The following SIK3 variants were observed in gnomAD, a reference collection of about 807,000 sequenced individuals.
SIK3 encodes SIK family kinase 3.
Under a neutral mutation model 144.2 loss-of-function variants are expected in SIK3, and 28 were observed. The observed-to-expected ratio is 0.19, with a 90% CI of 0.14 to 0.27. The LOEUF (loss-of-function observed/expected upper bound fraction) is 0.27, where lower values mean the gene tolerates loss of function less well. SIK3 is among the 10% of genes least tolerant of loss of function. The pLI is 1.00. For missense variants in SIK3, 1,319 were observed against 1,776.0 expected (o/e 0.74, Z 4.62); for synonymous variants, 686 against 676.3 (o/e 1.01, Z -0.22).
In SIK3 at chr11:116,896,257, G is replaced by C; in HGVS notation, c.861C>G (p.Ser287=). ...GTGTGCTAGCGACTCCCTTACCTGT[G>C]GACATAAAAAATGGGATGCGGAACT... ...SGKFRIPFFM[S]TECEHLIRHM... Residue 287 remains serine (S), a synonymous_variant, in exon 6 of 25, where the codon TCC becomes TCG. Transcript: ENST00000445177. The C allele has an allele frequency of 2.5e-6, 4 of 1,613,486 alleles. No homozygotes were observed. The highest frequency in any genetic ancestry group is 3.4e-6 in the Non-Finnish European group (4 of 1,179,596).
At chr11:116,885,644 T>A (rs1430765722) in intron 6 of SIK3, among the ~76,000 whole-genome samples, 1 of 152,258 alleles carries the variant, frequency 6.6e-6, no homozygotes, top group African/African-American at 2.4e-5. Context: ...GCTACTCGTT[T>A]TTCAGTAAGT....
At chr11:116,952,965 A>G (rs1291232183) in intron 3 of SIK3, among the ~76,000 whole-genome samples, 1 of 152,206 alleles carries the variant, frequency 6.6e-6, no homozygotes, top group Non-Finnish European at 1.5e-5. Context: ...TTTGACATTA[A>G]CTAATCACAT....
chr11:116,877,359 A>G lies in SIK3; in HGVS notation c.866-317T>C, dbSNP rs1335561539. 5.9e-5 allele frequency among the ~76,000 whole-genome samples: 9 copies of G among 152,240 alleles called. No individual in the cohort carries two copies. The East Asian group carries it at 9.6e-4, about 16-fold the overall frequency. On this transcript the variant is annotated intron_variant, in intron 6 of 24. Transcript: ENST00000445177. ...TTATGTATATGGCCCTATTTAACAC[A>G]AGTAATGAAGAGTAGAATGGCCTCT...
intron 1 of SIK3, among the ~76,000 whole-genome samples, chr11:117,075,840 CTTTTTT>C (rs1037271983): frequency 9.8e-5 from 4 of 40,918 alleles, no homozygotes; most frequent in East Asian, 6.5e-4. Flanking sequence ...CCAAGCCTGG[CTTTTTT>C]TTTTTTTTTT....
intron 4 of SIK3, among the ~76,000 whole-genome samples, chr11:116,922,305 C>A (rs1170464545): frequency 3.3e-5 from 5 of 152,000 alleles, no homozygotes; most frequent in African/African-American, 1.2e-4. Flanking sequence ...GAGTTTGAGA[C>A]CAGGCTGAGG....
rs552432726 is a variant in SIK3, at chr11:116,845,582, A to G, written c.*61T>C. 5.3e-5 allele frequency: 8 copies of G among 152,372 alleles called. No homozygotes were observed. The highest frequency in any genetic ancestry group is 1.9e-4 in the African/African-American group (8 of 41,588). 9.4% of individuals were successfully genotyped at this position (152,372 alleles called of 1,614,324 possible). ...GCAATTTGGCACAACGCTGCTAGAT[A>G]CTGTGGGTTTACAATCAACCTTTTC... is the stretch of plus-strand genomic sequence containing the variant. On this transcript the variant is annotated 3_prime_UTR_variant, in exon 25 of 25. Transcript: ENST00000445177.
chr11:116,974,752 T>G (rs1182543569), intron 1 of SIK3, among the ~76,000 whole-genome samples: 1 of 152,250 alleles, frequency 6.6e-6, no homozygotes, highest in Non-Finnish European at 1.5e-5. Flanking sequence ...CATAGTTTTG[T>G]GAACCTGATA....
chr11:117,026,230 G>A (rs1209282728), intron 1 of SIK3, among the ~76,000 whole-genome samples: 3 of 152,136 alleles, frequency 2.0e-5, no homozygotes, highest in Non-Finnish European at 4.4e-5. Flanking sequence ...TATTGAGTTA[G>A]GAAAATGCTG....
At chr11:116,947,569 AT>A (rs1555107834) in intron 3 of SIK3, among the ~76,000 whole-genome samples, 7,023 of 109,360 alleles carry the variant, frequency 0.064, 529 homozygotes, top group African/African-American at 0.18. Flanking sequence ...GTATGTATGT[AT>A]TTTTTTTTTT....
chr11:116,875,557 TA>T, intron 9 of SIK3, 106 bp from the exon 10 acceptor site: 2 of 1,312,070 alleles, frequency 1.5e-6, no homozygotes, highest in Non-Finnish European at 2.1e-6. Context: ...CCCTGATTAC[TA>T]AAGTTTTTGG....
At chr11:116,996,006 T>A (rs1054996455) in intron 1 of SIK3, among the ~76,000 whole-genome samples, 3 of 152,036 alleles carry the variant, frequency 2.0e-5, no homozygotes, top group Non-Finnish European at 4.4e-5. Context: ...TAATTAATTA[T>A]TAAAAAGGAA....
chr11:116,987,819 C>T (rs1254933119), intron 1 of SIK3, among the ~76,000 whole-genome samples: 1 of 152,150 alleles, frequency 6.6e-6, no homozygotes. Context: ...TTACCTCAAA[C>T]TGTTGAAGAA....
chr11:116,992,760 G>T (rs1157399000), intron 1 of SIK3, among the ~76,000 whole-genome samples: 3 of 152,158 alleles, frequency 2.0e-5, no homozygotes, highest in Non-Finnish European at 4.4e-5. Flanking sequence ...CAAGGCAGGA[G>T]GACTCTTGAG....
intron 6 of SIK3, among the ~76,000 whole-genome samples, chr11:116,892,567 C>T (rs1162721461): frequency 1.3e-5 from 2 of 152,178 alleles, no homozygotes; most frequent in Non-Finnish European, 2.9e-5. Context: ...GCTGACACCA[C>T]CAAATGCTGA....
At chr11:117,050,220 C>T (rs1400308967) in intron 1 of SIK3, among the ~76,000 whole-genome samples, 1 of 151,646 alleles carries the variant, frequency 6.6e-6, no homozygotes, top group African/African-American at 2.4e-5. Context: ...ACCTGGGAGA[C>T]GGAAGTTGCA....
At chr11:117,088,557 C>G (rs538085286) in intron 1 of SIK3, among the ~76,000 whole-genome samples, 3 of 152,098 alleles carry the variant, frequency 2.0e-5, no homozygotes, top group East Asian at 1.9e-4. Context: ...AGACATTGCA[C>G]GAAACATAAG....
At chr11:117,094,292 T>C (rs1248035237) in intron 1 of SIK3, among the ~76,000 whole-genome samples, 3 of 152,170 alleles carry the variant, frequency 2.0e-5, no homozygotes, top group Non-Finnish European at 4.4e-5. Flanking sequence ...TTTATAGTCA[T>C]GCATACTTTA....
intron 6 of SIK3, among the ~76,000 whole-genome samples, chr11:116,887,048 A>T (rs939761985): frequency 6.6e-6 from 1 of 152,144 alleles, no homozygotes; most frequent in Non-Finnish European, 1.5e-5. Flanking sequence ...AGATCAAAAC[A>T]CCCTTTTACA....
chr11:116,887,125 C>T (rs1241261758), intron 6 of SIK3, among the ~76,000 whole-genome samples: 1 of 151,828 alleles, frequency 6.6e-6, no homozygotes, highest in Non-Finnish European at 1.5e-5. Context: ...AAAACCATGG[C>T]TGGGCGTGAT....
Sources: allele counts gnomAD v4.1 joint callset (sites outside exome capture counted in the v4.1 genomes callset), GRCh38; gene constraint gnomAD v4.1.1; transcripts MANE v1.5; gene names NCBI Gene and HGNC (gene_info 2026-07-23, HGNC 2026-07-21).